Variants in IQCM observed in about 807,000 individuals in gnomAD.
The protein encoded by IQCM is IQ domain-containing protein M.
Under a neutral mutation model 57.6 loss-of-function variants are expected in IQCM, and 45 were observed. The ratio of observed to expected loss-of-function variants is 0.78; its 90% CI spans 0.62 to 1.00. The LOEUF is 1.00. Among genes scored for constraint, IQCM ranks in the 50% least tolerant of loss-of-function variants. The pLI is 0.00. For synonymous variants in IQCM, 148 were observed against 158.9 expected (o/e 0.93, Z 0.51); for missense variants, 468 against 511.6 (o/e 0.91, Z 0.82).
chr4:149,796,165 A>G (rs1319918266), intron 2 of IQCM, among the ~76,000 whole-genome samples: 2 of 152,140 alleles, frequency 1.3e-5, no homozygotes, highest in Admixed American at 6.5e-5. Context: ...TGCCCTGGGG[A>G]CAGAGGGGAG....
At chr4:149,788,131 C>T (rs758840162) in intron 2 of IQCM, among the ~76,000 whole-genome samples, 18 of 152,216 alleles carry the variant, frequency 1.2e-4, no homozygotes, top group South Asian at 2.1e-4. Flanking sequence ...GTCAGGAGTT[C>T]GAGACCAGCC....
intron 12 of IQCM, among the ~76,000 whole-genome samples, chr4:149,482,727 C>T (rs1022839942): frequency 3.3e-5 from 5 of 150,922 alleles, no homozygotes; most frequent in African/African-American, 9.7e-5. Context: ...GAGATATTGG[C>T]CTGAAGTTTT....
chr4:149,701,296 A>T (rs1763751980), intron 5 of IQCM, among the ~76,000 whole-genome samples: 3 of 152,000 alleles, frequency 2.0e-5, no homozygotes, highest in Non-Finnish European at 4.4e-5. Context: ...GAAAACAAAA[A>T]CATTCATGGA....
At chr4:149,785,711 C>A (rs1772019778) in intron 2 of IQCM, among the ~76,000 whole-genome samples, 1 of 151,648 alleles carries the variant, frequency 6.6e-6, no homozygotes, top group African/African-American at 2.4e-5. Flanking sequence ...CTTTTTTGTA[C>A]ACATTTTTTC....
chr4:149,731,247 A>G (rs965149985), intron 5 of IQCM, among the ~76,000 whole-genome samples: 3 of 152,192 alleles, frequency 2.0e-5, no homozygotes, highest in Non-Finnish European at 4.4e-5. Context: ...AAAGGAAATT[A>G]ATGTCCTAAT....
chr4:149,442,069 T>G (rs1242533722), intron 12 of IQCM, among the ~76,000 whole-genome samples: 1 of 152,154 alleles, frequency 6.6e-6, no homozygotes, highest in African/African-American at 2.4e-5. Context: ...AGTCAGGTAT[T>G]CTGTTATAGC....
chr4:149,704,371 G>A (rs781086406), intron 5 of IQCM, among the ~76,000 whole-genome samples: 3 of 151,856 alleles, frequency 2.0e-5, no homozygotes, highest in East Asian at 1.9e-4. Flanking sequence ...CCAGCCCATC[G>A]CTTATTTTTG....
chr4:149,386,712 T>G (rs915662175), intron 13 of IQCM, among the ~76,000 whole-genome samples: 1 of 152,004 alleles, frequency 6.6e-6, no homozygotes, highest in Non-Finnish European at 1.5e-5. Context: ...TCTGAACTAT[T>G]CCTTTGTCAG....
intron 13 of IQCM, among the ~76,000 whole-genome samples, chr4:149,384,420 G>C (rs1731278679): frequency 6.6e-6 from 1 of 151,854 alleles, no homozygotes; most frequent in Non-Finnish European, 1.5e-5. Context: ...CTCCCATATC[G>C]AGAAAAAGAG....
At chr4:149,358,822 T>A (rs917348848) in intron 13 of IQCM, among the ~76,000 whole-genome samples, 8 of 79,202 alleles carry the variant, frequency 1.0e-4, no homozygotes, top group Non-Finnish European at 1.8e-4. Flanking sequence ...AAAGAGGGAG[T>A]GTATCATGAC....
chr4:149,745,505 A>T (rs1486506014), intron 2 of IQCM, among the ~76,000 whole-genome samples: 1 of 152,196 alleles, frequency 6.6e-6, no homozygotes, highest in African/African-American at 2.4e-5. Flanking sequence ...ACATTTGTGA[A>T]AAAGTCCTCT....
At chr4:149,588,768 A>C (rs576812936) in intron 8 of IQCM, among the ~76,000 whole-genome samples, 1 of 152,006 alleles carries the variant, frequency 6.6e-6, no homozygotes, top group South Asian at 2.1e-4. Flanking sequence ...AAATAAATTT[A>C]TGTTGTTTAG....
intron 13 of IQCM, among the ~76,000 whole-genome samples, chr4:149,419,611 G>A (rs754022252): frequency 6.6e-6 from 1 of 152,020 alleles, no homozygotes; most frequent in African/African-American, 2.4e-5. Flanking sequence ...ATCACCAAAA[G>A]CAATTGCAAC....
At chr4:149,451,703 C>G (rs977248123) in intron 12 of IQCM, among the ~76,000 whole-genome samples, 1 of 151,616 alleles carries the variant, frequency 6.6e-6, no homozygotes, top group Non-Finnish European at 1.5e-5. Flanking sequence ...GCTTTTTTCT[C>G]GTAAATTTTC....
intron 10 of IQCM, among the ~76,000 whole-genome samples, chr4:149,560,074 C>T (rs1749976230): frequency 6.6e-6 from 1 of 152,174 alleles, no homozygotes; most frequent in Non-Finnish European, 1.5e-5. Flanking sequence ...AAAACTGGTC[C>T]CTGGCACCAA....
chr4:149,423,339 G>A (rs1486242572), intron 13 of IQCM, among the ~76,000 whole-genome samples: 6 of 152,006 alleles, frequency 3.9e-5, no homozygotes, highest in Non-Finnish European at 7.4e-5. Context: ...CATGAGAACT[G>A]CATGGGGGAA....
chr4:149,736,870 C>T (rs1264362106), intron 3 of IQCM, among the ~76,000 whole-genome samples: 1 of 152,124 alleles, frequency 6.6e-6, no homozygotes, highest in Non-Finnish European at 1.5e-5. Flanking sequence ...TGTATGTTTA[C>T]AAAAGATTTG....
intron 13 of IQCM, among the ~76,000 whole-genome samples, chr4:149,419,242 T>C (rs1470500909): frequency 6.6e-6 from 1 of 152,062 alleles, no homozygotes; most frequent in African/African-American, 2.4e-5. Flanking sequence ...CTTGAAACTA[T>C]ACCACAAAAC....
At chr4:149,704,609 G>C (rs1378956356) in intron 5 of IQCM, among the ~76,000 whole-genome samples, 1 of 151,840 alleles carries the variant, frequency 6.6e-6, no homozygotes, top group Non-Finnish European at 1.5e-5. Flanking sequence ...ATAAGGCTGA[G>C]CATATGAGAT....
Sources: allele counts gnomAD v4.1 joint callset (sites outside exome capture counted in the v4.1 genomes callset), GRCh38; gene constraint gnomAD v4.1.1; transcripts MANE v1.5; gene names NCBI Gene and HGNC (gene_info 2026-07-23, HGNC 2026-07-21).